PMP22: variants seen among roughly 807,000 people sequenced by gnomAD.
The protein encoded by PMP22 is peripheral myelin protein 22, also known as Charcot-Marie-Tooth neuropathy 1A (greatly reduced nerve conduction velocity, hereditary motor sensory neuropathy Ia).
Under a neutral mutation model 18.9 loss-of-function variants are expected in PMP22, and 2 were observed. The ratio of observed to expected loss-of-function variants is 0.11; its 90% CI spans 0.04 to 0.33. PMP22 has a LOEUF of 0.33. Among genes scored for constraint, PMP22 ranks in the 10% least tolerant of loss-of-function variants. The pLI is 1.00. For missense variants in PMP22, 169 were observed against 202.2 expected (o/e 0.84, Z 1.00); for synonymous variants, 95 against 89.2 (o/e 1.07, Z -0.37).
rs776607311 is a variant in PMP22 at position 15,259,207 on chromosome 17, G to C, written c.79-14C>G. On this transcript the variant is annotated splice_polypyrimidine_tract_variant and intron_variant, in intron 2 of 4. Transcript: ENST00000312280. ...CACGATCCATTGCTAGAGAGAATCA[G>C]ATAGATATCCTGAGTCAGGGAGGGA... The C allele has an allele frequency of 1.7e-5, 27 of 1,592,754 alleles. No homozygotes were observed. The African/African-American group carries it at 3.4e-4, about 20-fold the overall frequency.
intron 1 of PMP22, among the ~76,000 whole-genome samples, chr17:15,263,026 G>A (rs1027682556): frequency 3.9e-4 from 60 of 152,206 alleles, no homozygotes; most frequent in African/African-American, 1.4e-3. Context: ...CTCGGGTCCT[G>A]GAGCCCCTGC....
chr17:15,255,731 C>A (rs1908763242), intron 3 of PMP22, among the ~76,000 whole-genome samples: 1 of 152,176 alleles, frequency 6.6e-6, no homozygotes, highest in South Asian at 2.1e-4. Flanking sequence ...AGGGAATATT[C>A]TCCTCCCCGT....
At chr17:15,264,198 C>T (rs1053504974) in intron 1 of PMP22, among the ~76,000 whole-genome samples, 5 of 150,950 alleles carry the variant, frequency 3.3e-5, no homozygotes, top group Non-Finnish European at 7.4e-5. Context: ...ACTAAAGTAG[C>T]TTGTAACTCT....
chr17:15,241,669 A>G (rs1239834755), intron 3 of PMP22, among the ~76,000 whole-genome samples: 1 of 152,258 alleles, frequency 6.6e-6, no homozygotes, highest in Non-Finnish European at 1.5e-5. Flanking sequence ...TTAATAATAT[A>G]ACCTAAATAC....
At chr17:15,232,701 AG>A (rs1906462600) in intron 4 of PMP22, 2 of 152,274 alleles carry the variant, frequency 1.3e-5, no homozygotes. Context: ...TCATGCAGGC[AG>A]GGCTCCCAAA....
At chr17:15,253,125 G>C (rs1395110453) in intron 3 of PMP22, among the ~76,000 whole-genome samples, 1 of 152,106 alleles carries the variant, frequency 6.6e-6, no homozygotes, top group African/African-American at 2.4e-5. Context: ...TGGGGAGGAG[G>C]CTTGGCACAC....
At chr17:15,240,405 AT>A (rs59646634) in intron 3 of PMP22, among the ~76,000 whole-genome samples, 11,419 of 121,380 alleles carry the variant, frequency 0.094, 439 homozygotes, top group East Asian at 0.17. Flanking sequence ...GACAACCCGT[AT>A]TTTTTTTTTT....
chr17:15,263,916 G>A (rs1022109508), intron 1 of PMP22, among the ~76,000 whole-genome samples: 1 of 152,118 alleles, frequency 6.6e-6, no homozygotes, highest in Non-Finnish European at 1.5e-5. Flanking sequence ...CTCTGGCTCT[G>A]GGCTCCAACA....
intron 3 of PMP22, among the ~76,000 whole-genome samples, chr17:15,246,501 T>C (rs985218450): frequency 3.3e-5 from 5 of 152,242 alleles, no homozygotes; most frequent in African/African-American, 1.2e-4. Context: ...TGCTGTCAAT[T>C]ACAAACCTGT....
intron 4 of PMP22, among the ~76,000 whole-genome samples, chr17:15,232,030 C>T (rs760133316): frequency 2.0e-5 from 3 of 151,978 alleles, no homozygotes; most frequent in Non-Finnish European, 4.4e-5. Flanking sequence ...CTGTTTCCTC[C>T]CTGAAAACAG....
At chr17:15,251,269 C>T (rs1453619097) in intron 3 of PMP22, among the ~76,000 whole-genome samples, 1 of 152,154 alleles carries the variant, frequency 6.6e-6, no homozygotes, top group African/African-American at 2.4e-5. Context: ...GATGACTTTC[C>T]ATTGGATCAC....
At chr17:15,236,093 G>A (rs1379679010) in intron 4 of PMP22, among the ~76,000 whole-genome samples, 1 of 151,286 alleles carries the variant, frequency 6.6e-6, no homozygotes, top group Admixed American at 6.6e-5. Flanking sequence ...AGGACCTCAG[G>A]TGATTCTGAT....
chr17:15,260,336 G>A, intron 2 of PMP22: 3 of 414,240 alleles, frequency 7.2e-6, no homozygotes, highest in Non-Finnish European at 1.4e-5. Flanking sequence ...CAACGAGGCT[G>A]CATCAAGAAA....
intron 3 of PMP22, among the ~76,000 whole-genome samples, chr17:15,257,537 G>C (rs1908945841): frequency 6.6e-6 from 1 of 152,222 alleles, no homozygotes. Flanking sequence ...TGTCAGTAGC[G>C]AGTACGGAGA....
chr17:15,239,845 A>T (rs1378020984), intron 3 of PMP22, among the ~76,000 whole-genome samples: 1 of 152,250 alleles, frequency 6.6e-6, no homozygotes, highest in African/African-American at 2.4e-5. Flanking sequence ...ATACATCTAT[A>T]TGTACTGATA....
chr17:15,240,930 C>A (rs2150678980), intron 3 of PMP22, among the ~76,000 whole-genome samples: 1 of 152,244 alleles, frequency 6.6e-6, no homozygotes, highest in South Asian at 2.1e-4. Context: ...CAGCTCATGG[C>A]AGAATTTTAA....
chr17:15,236,528 T>G (rs1426595677), intron 4 of PMP22, among the ~76,000 whole-genome samples: 4 of 152,222 alleles, frequency 2.6e-5, no homozygotes, highest in Non-Finnish European at 5.9e-5. Flanking sequence ...CATGCACGCT[T>G]GTAGATTTCA....
In PMP22 at chr17:15,230,798, G is replaced by A. The variant is rs1365514823; in HGVS notation, c.*119C>T. ...GCAACCCCCACCTCCACTGCTTTCT[G>A]TTTGGTTTGGTTTGAGTTTGGGATT... is the stretch of plus-strand genomic sequence containing the variant. On this transcript the variant is annotated 3_prime_UTR_variant, in exon 5 of 5. Coordinates refer to ENST00000312280, the MANE Select transcript of PMP22 (RefSeq NM_000304.4). 1 of 1,030,792 alleles carries A rather than the reference G, an allele frequency of 9.7e-7. No homozygotes were observed. The highest frequency in any genetic ancestry group is 1.3e-5 in the South Asian group (1 of 75,634). The allele number at this position is 1,030,792 out of a possible 1,614,324, so 63.9% of individuals were successfully genotyped here.
chr17:15,232,687 A>T (rs926659274), intron 4 of PMP22: 1 of 152,300 alleles, frequency 6.6e-6, no homozygotes, highest in East Asian at 1.9e-4. Flanking sequence ...GACAACACTT[A>T]TCATCATGCA....
Sources: allele counts gnomAD v4.1 joint callset (sites outside exome capture counted in the v4.1 genomes callset), GRCh38; gene constraint gnomAD v4.1.1; transcripts MANE v1.5; gene names NCBI Gene and HGNC (gene_info 2026-07-23, HGNC 2026-07-21).